SCYL2: variants seen among roughly 807,000 people sequenced by gnomAD.
SCYL2 encodes SCY1-like protein 2.
Under a neutral mutation model 100.4 loss-of-function variants are expected in SCYL2, and 36 were observed. That is an observed-to-expected ratio of 0.36 (90% CI 0.27 to 0.47). The LOEUF (loss-of-function observed/expected upper bound fraction) is 0.47. SCYL2 is among the 20% of genes least tolerant of loss of function. The pLI, the probability that SCYL2 is intolerant of heterozygous loss-of-function variation, is 1.00. For synonymous variants in SCYL2, 330 were observed against 359.2 expected, an observed-to-expected ratio of 0.92 and a Z score of 0.92; for missense variants, 902 against 1,083.9, an observed-to-expected ratio of 0.83 and a Z score of 2.36.
At chr12:100,298,247 T>A in intron 4 of SCYL2, 72 bp downstream of exon 4, 1 of 1,112,130 alleles carries the variant, frequency 9.0e-7, no homozygotes, top group Non-Finnish European at 1.3e-6. Context: ...TCAAACTTAT[T>A]AACCATGTAA....
Position 100,337,472 on chromosome 12 carries a change from C to A in SCYL2, c.2111C>A (p.Pro704His), listed in dbSNP as rs535825821. 3.5e-5 allele frequency: 56 copies of A among 1,613,114 alleles called. 1 individual carries two copies. The South Asian group carries it at 6.1e-4, about 17-fold the overall frequency. Residue 704 changes from proline to histidine, a missense_variant, in exon 17 of 18, where the codon CCC becomes CAC. Physicochemically the swap from Pro to His is moderately conservative, Grantham distance 77. Coordinates refer to ENST00000360820, the MANE Select transcript of SCYL2 (RefSeq NM_017988.6). ...QKLKSQQPLK[P>H]QVHTPVATVK... is the part of the protein sequence containing the mutation. ...CTGAAAAGCCAGCAGCCTCTTAAACCCCAAGTGCACACACCTGTTGCTACT... is the reference window on the plus strand; with the variant it reads ...CTGAAAAGCCAGCAGCCTCTTAAACACCAAGTGCACACACCTGTTGCTACT...
intron 12 of SCYL2, among the ~76,000 whole-genome samples, chr12:100,328,097 G>A (rs1047714370): frequency 6.6e-6 from 1 of 152,016 alleles, no homozygotes; most frequent in Non-Finnish European, 1.5e-5. Context: ...GAGCAACATG[G>A]CAAAACCCCA....
intron 1 of SCYL2, among the ~76,000 whole-genome samples, chr12:100,275,466 G>A (rs1355938602): frequency 6.6e-6 from 1 of 152,152 alleles, no homozygotes; most frequent in Non-Finnish European, 1.5e-5. Context: ...AAGGTGCTGG[G>A]ATTACAGGCA....
chr12:100,298,728 C>T (rs915843031), intron 4 of SCYL2, among the ~76,000 whole-genome samples: 27 of 152,064 alleles, frequency 1.8e-4, no homozygotes, highest in African/African-American at 5.8e-4. Flanking sequence ...GGATTACAGG[C>T]GTGCACCACC....
In SCYL2 at chr12:100,315,754, G is replaced by A. The variant is rs1376441686; in HGVS notation, c.1272+20G>A. The A allele has an allele frequency of 2.6e-6, 4 of 1,563,446 alleles. No homozygotes were observed. The South Asian group carries it at 3.6e-5, about 14-fold the overall frequency. The stretch of plus-strand genomic sequence containing the variant: ...ATCCAGGTATGTTATAGATATTTTT[G>A]TGTATTTATCTACTGTTATTTATGA... On this transcript the variant is annotated intron_variant, in intron 9 of 17. Transcript: ENST00000360820.
At chr12:100,311,492 T>C (rs2096342114) in intron 5 of SCYL2, among the ~76,000 whole-genome samples, 1 of 152,262 alleles carries the variant, frequency 6.6e-6, no homozygotes, top group South Asian at 2.1e-4. Flanking sequence ...TAGCAGTGTT[T>C]CCTGTTTATT....
chr12:100,273,096 T>TA (rs948484964), intron 1 of SCYL2, among the ~76,000 whole-genome samples: 18 of 152,166 alleles, frequency 1.2e-4, no homozygotes, highest in African/African-American at 4.3e-4. Context: ...CTCTGCTTGA[T>TA]AGAGTGATTG....
chr12:100,286,476 AG>A (rs2096304569), intron 2 of SCYL2, among the ~76,000 whole-genome samples: 1 of 151,990 alleles, frequency 6.6e-6, no homozygotes, highest in Non-Finnish European at 1.5e-5. Context: ...CTTGAAAAAA[AG>A]AAAGAAAATA....
intron 4 of SCYL2, among the ~76,000 whole-genome samples, chr12:100,301,854 A>C (rs2096328094): frequency 6.6e-6 from 1 of 152,160 alleles, no homozygotes; most frequent in Non-Finnish European, 1.5e-5. Context: ...CACCATAGCC[A>C]CCACAGCTGG....
At chr12:100,281,572 G>A (rs553656564) in intron 1 of SCYL2, among the ~76,000 whole-genome samples, 203 of 152,166 alleles carry the variant, frequency 1.3e-3, no homozygotes, top group Non-Finnish European at 2.0e-3. Flanking sequence ...TTTGGCTCAC[G>A]CCTGTAATCC....
At chr12:100,326,186 ATATT>A (rs1324464420) in intron 11 of SCYL2, among the ~76,000 whole-genome samples, 1 of 152,150 alleles carries the variant, frequency 6.6e-6, no homozygotes, top group Non-Finnish European at 1.5e-5. Context: ...ACATGTTAAA[ATATT>A]TAGTTTAAAA....
chr12:100,334,400 A>T (rs1040184635), intron 14 of SCYL2, 134 bp downstream of exon 14: 1 of 651,032 alleles, frequency 1.5e-6, no homozygotes, highest in Non-Finnish European at 2.7e-6. Context: ...TTCAAAATTT[A>T]CCATCATGTT....
intron 3 of SCYL2, among the ~76,000 whole-genome samples, chr12:100,294,169 A>G (rs2096314234): frequency 7.5e-6 from 1 of 132,460 alleles, no homozygotes; most frequent in African/African-American, 3.0e-5. Context: ...TGACTCCCCC[A>G]CCTCCCTCCC....
intron 13 of SCYL2, among the ~76,000 whole-genome samples, chr12:100,331,931 A>G (rs1952214316): frequency 6.6e-6 from 1 of 152,276 alleles, no homozygotes; most frequent in South Asian, 2.1e-4. Context: ...TGAATAATCA[A>G]TCAGTTGTGT....
At chr12:100,316,534 GT>G (rs1382459845) in intron 9 of SCYL2, among the ~76,000 whole-genome samples, 1 of 152,178 alleles carries the variant, frequency 6.6e-6, no homozygotes, top group Non-Finnish European at 1.5e-5. Context: ...TAATTTAATG[GT>G]TTTATGATTC....
rs552409524 is a variant in SCYL2 at position 100,320,246 on chromosome 12, T to C, written c.1395+2321T>C. Among the ~76,000 whole-genome samples the C allele has an allele frequency of 3.3e-5, 5 of 152,162 alleles. No homozygotes were observed. In the South Asian group the frequency reaches 6.2e-4, roughly 19 times the overall value. ...AAATAGTTCCTCATCCCGGCTGTTATTAAGTTCCTCATCCCGGGCTGGGTG... is the reference window on the plus strand; with the variant it reads ...AAATAGTTCCTCATCCCGGCTGTTACTAAGTTCCTCATCCCGGGCTGGGTG... On this transcript the variant is annotated intron_variant, in intron 10 of 17. Coordinates refer to ENST00000360820, the MANE Select transcript of SCYL2 (RefSeq NM_017988.6).
chr12:100,286,026 C>T (rs2096304123), intron 2 of SCYL2, among the ~76,000 whole-genome samples: 1 of 152,022 alleles, frequency 6.6e-6, no homozygotes, highest in Non-Finnish European at 1.5e-5. Context: ...AATTGGAATA[C>T]TGTTATCTGT....
chr12:100,327,062 G>A (rs1184791197), intron 12 of SCYL2: 1 of 316,506 alleles, frequency 3.2e-6, no homozygotes, highest in South Asian at 3.5e-5. Context: ...ACTGGTCTTA[G>A]TAGTAATATC....
rs1952347133 is a variant in SCYL2 at position 100,341,068 on chromosome 12, A to G, written c.*1896A>G. 6.6e-6 allele frequency: 1 copy of G among 152,102 alleles called. No individual in the cohort carries two copies. The allele number at this position is 152,102 out of a possible 1,614,324, so 9.4% of individuals were successfully genotyped here. On this transcript the variant is annotated 3_prime_UTR_variant, in exon 18 of 18. Coordinates refer to ENST00000360820, the MANE Select transcript of SCYL2 (RefSeq NM_017988.6). Reference sequence around the variant, plus strand: ...TAATATAACAGCTTATAGAACTTGAACTACTAAATATGAAAATAAGTCATT... The same window carrying G: ...TAATATAACAGCTTATAGAACTTGAGCTACTAAATATGAAAATAAGTCATT...
Sources: gnomAD v4.1 joint callset for allele counts (sites outside exome capture counted in the v4.1 genomes callset) on GRCh38, gnomAD v4.1.1 for gene constraint, MANE v1.5 for transcripts, NCBI Gene and HGNC (gene_info 2026-07-23, HGNC 2026-07-21) for gene names.